MAF: variants seen among roughly 807,000 people sequenced by gnomAD.
MAF encodes the protein transcription factor Maf.
A neutral mutation model predicts 22.0 loss-of-function variants in MAF; 10 were observed. The ratio of observed to expected loss-of-function variants is 0.45; its 90% CI spans 0.28 to 0.77. MAF has a LOEUF of 0.77. Among genes scored for constraint, MAF ranks in the 30% least tolerant of loss-of-function variants. MAF has a pLI of 0.12. For missense variants in MAF, 544 were observed against 548.4 expected, an observed-to-expected ratio of 0.99 and a Z score of 0.08; for synonymous variants, 337 against 255.8, an observed-to-expected ratio of 1.32 and a Z score of -3.03.
chr16:79,600,137 C>A lies in MAF; in HGVS notation c.-235G>T. 2.0e-6 allele frequency: 1 copy of A among 488,850 alleles called. No individual in the cohort carries two copies. The highest frequency in any genetic ancestry group is 3.5e-6 in the Non-Finnish European group (1 of 281,962). 30.3% of individuals were successfully genotyped at this position (488,850 alleles called of 1,614,324 possible). A position where few individuals can be genotyped will look rare whatever the true frequency, so the allele number is the denominator to read the frequency against. On this transcript the variant is annotated 5_prime_UTR_variant, in exon 1 of 2. Coordinates refer to ENST00000326043, the MANE Select transcript of MAF (RefSeq NM_005360.5). ...TCCCCCCTGCTCACGCCAATGTGCTCCCTCGCTCGCCCCGGCCCCTCCTTG... is the reference window on the plus strand; with the variant it reads ...TCCCCCCTGCTCACGCCAATGTGCTACCTCGCTCGCCCCGGCCCCTCCTTG...
chr16:79,297,516 C>T, the MAF span, among the ~76,000 whole-genome samples: 1 of 152,154 alleles, frequency 6.6e-6, no homozygotes, highest in South Asian at 2.1e-4. Context: ...GGTAGTTGTG[C>T]TTCTTTGGGC....
the MAF span, among the ~76,000 whole-genome samples, chr16:79,420,365 G>T: frequency 2.6e-5 from 4 of 152,174 alleles, no homozygotes; most frequent in African/African-American, 9.7e-5. Context: ...ACACAGTCAC[G>T]TTTCTGAACA....
the MAF span, among the ~76,000 whole-genome samples, chr16:79,554,563 G>A: frequency 2.1e-4 from 32 of 152,168 alleles, no homozygotes; most frequent in Non-Finnish European, 3.2e-4. Flanking sequence ...CAACACAGGT[G>A]GATGAGGACA....
chr16:79,259,378 C>T, the MAF span, among the ~76,000 whole-genome samples: 3 of 152,184 alleles, frequency 2.0e-5, no homozygotes, highest in Admixed American at 6.5e-5. Flanking sequence ...TTCAGAGCTT[C>T]GCTGAGTTCC....
the MAF span, among the ~76,000 whole-genome samples, chr16:79,317,869 G>A: frequency 1.3e-5 from 2 of 152,052 alleles, no homozygotes; most frequent in African/African-American, 2.4e-5. Context: ...GCTCCATTTG[G>A]AGAGTATTTA....
the MAF span, among the ~76,000 whole-genome samples, chr16:79,565,544 G>C: frequency 6.6e-6 from 1 of 152,028 alleles, no homozygotes; most frequent in Admixed American, 6.6e-5. Flanking sequence ...TGAATCATGG[G>C]GGTGGTTACC....
chr16:79,354,141 C>T, the MAF span, among the ~76,000 whole-genome samples: 18 of 152,020 alleles, frequency 1.2e-4, no homozygotes, highest in South Asian at 1.5e-3. Flanking sequence ...ACTACAAGTG[C>T]GCACCACCGT....
the MAF span, among the ~76,000 whole-genome samples, chr16:79,338,910 C>A: frequency 3.2e-3 from 486 of 152,282 alleles, 2 homozygotes; most frequent in African/African-American, 0.011. Flanking sequence ...GCTCTCTCTT[C>A]CATGACATGG....
chr16:79,568,973 A>G, the MAF span, among the ~76,000 whole-genome samples: 89 of 152,352 alleles, frequency 5.8e-4, no homozygotes, highest in Non-Finnish European at 1.2e-3. Flanking sequence ...AAGCCCCCTC[A>G]TGCAAGTTTA....
At chr16:79,360,813 G>A in the MAF span, among the ~76,000 whole-genome samples, 4 of 152,128 alleles carry the variant, frequency 2.6e-5, 1 homozygote, top group Admixed American at 6.5e-5. Context: ...TAGGATCATA[G>A]CCCACCCAGC....
chr16:79,323,667 G>A, the MAF span, among the ~76,000 whole-genome samples: 1 of 152,144 alleles, frequency 6.6e-6, no homozygotes, highest in Non-Finnish European at 1.5e-5. Flanking sequence ...GTGAGCTGAG[G>A]GCTCTGAAGA....
At chr16:79,386,473 C>T in the MAF span, among the ~76,000 whole-genome samples, 2 of 152,084 alleles carry the variant, frequency 1.3e-5, no homozygotes, top group Admixed American at 6.5e-5. Flanking sequence ...CAGGAGGTCA[C>T]GTGAGTGATG....
chr16:79,224,284 GA>G, the MAF span, among the ~76,000 whole-genome samples: 1 of 152,182 alleles, frequency 6.6e-6, no homozygotes, highest in Non-Finnish European at 1.5e-5. Context: ...AATAGATGCA[GA>G]AAAGGCCTTC....
the MAF span, among the ~76,000 whole-genome samples, chr16:79,445,331 CTG>C: frequency 6.6e-6 from 1 of 152,198 alleles, no homozygotes. Context: ...GCGTGAGCCA[CTG>C]CGCCCGGCCA....
At chr16:79,339,382 A>G in the MAF span, among the ~76,000 whole-genome samples, 1 of 152,132 alleles carries the variant, frequency 6.6e-6, no homozygotes, top group Non-Finnish European at 1.5e-5. Context: ...TTAAAAATTG[A>G]GTGTGCCTTC....
chr16:79,239,764 C>G, the MAF span, among the ~76,000 whole-genome samples: 15 of 152,108 alleles, frequency 9.9e-5, no homozygotes, highest in East Asian at 2.7e-3. Context: ...TTAGGATAGT[C>G]CAGGCACATT....
chr16:79,398,245 ATTACGCTAGG>A, the MAF span, among the ~76,000 whole-genome samples: 1 of 152,126 alleles, frequency 6.6e-6, no homozygotes, highest in Non-Finnish European at 1.5e-5. Context: ...GACCTTTGTG[ATTACGCTAGG>A]TCCAGCAAGA....
chr16:79,551,700 G>C, the MAF span, among the ~76,000 whole-genome samples: 1 of 152,156 alleles, frequency 6.6e-6, no homozygotes, highest in Non-Finnish European at 1.5e-5. Context: ...GAAGTCAAAA[G>C]AATAGTATTT....
the MAF span, among the ~76,000 whole-genome samples, chr16:79,276,735 C>T: frequency 1.3e-5 from 2 of 152,152 alleles, no homozygotes; most frequent in Non-Finnish European, 2.9e-5. Flanking sequence ...AAGGATAAAG[C>T]TTCCCTGTTC....
Sources: gnomAD v4.1 joint callset for allele counts (sites outside exome capture counted in the v4.1 genomes callset) on GRCh38, gnomAD v4.1.1 for gene constraint, MANE v1.5 for transcripts, NCBI Gene and HGNC (gene_info 2026-07-23, HGNC 2026-07-21) for gene names.